The following LINGO1 variants were observed in gnomAD, a reference collection of about 807,000 sequenced individuals.
LINGO1 encodes the protein leucine rich repeat and Ig domain containing 1, also known as leucine-rich repeat and immunoglobulin-like domain-containing nogo receptor-interacting protein 1.
Under a neutral mutation model 37.3 loss-of-function variants are expected in LINGO1, and 11 were observed. That is an observed-to-expected ratio of 0.29 (90% confidence interval 0.19 to 0.49). The LOEUF (loss-of-function observed/expected upper bound fraction) is 0.49, where lower values mean the gene tolerates loss of function less well. LINGO1 is among the 20% of genes least tolerant of loss of function. The pLI is 0.99. For synonymous variants in LINGO1, 387 were observed against 403.0 expected (o/e 0.96, Z 0.48); for missense variants, 585 against 878.2 (o/e 0.67, Z 4.22).
chr15:77,808,072 C>A (rs2076974671), intron 1 of LINGO1, among the ~76,000 whole-genome samples: 1 of 152,016 alleles, frequency 6.6e-6, no homozygotes, highest in Non-Finnish European at 1.5e-5. Context: ...GGGAGAGAAG[C>A]CCCCAGCTGC....
At chr15:77,804,998 ACC>A (rs1210015960) in intron 1 of LINGO1, among the ~76,000 whole-genome samples, 1 of 152,008 alleles carries the variant, frequency 6.6e-6, no homozygotes, top group Non-Finnish European at 1.5e-5. Flanking sequence ...ACTGCTCCTG[ACC>A]CCTCCAGGGG....
At chr15:77,701,811 C>T (rs537744395) in intron 2 of LINGO1, among the ~76,000 whole-genome samples, 1 of 152,160 alleles carries the variant, frequency 6.6e-6, no homozygotes. Context: ...GATGCAGATG[C>T]CAGCACCATG....
At chr15:77,782,783 C>T (rs1370232202) in intron 1 of LINGO1, among the ~76,000 whole-genome samples, 2 of 152,082 alleles carry the variant, frequency 1.3e-5, no homozygotes, top group African/African-American at 4.8e-5. Context: ...CACCCACCTC[C>T]CCTCAAGGGT....
In LINGO1 at chr15:77,660,529, C is replaced by T. The variant is rs537672527; in HGVS notation, c.-13+16560G>A. On this transcript the variant is annotated intron_variant, in intron 3 of 3. Coordinates refer to the LINGO1 transcript ENST00000559893. ...GACATGGTTTGCAGCAACAGCTGGG[C>T]TCTATTCTCTGTACCAAGTGGGAGC... Among the ~76,000 whole-genome samples the T allele has an allele frequency of 2.0e-5, 3 of 152,320 alleles. No individual in the cohort carries two copies. In the East Asian group the frequency reaches 5.8e-4, roughly 29 times the overall value.
Position 77,615,084 on chromosome 15 carries a change from G to T in LINGO1, c.823C>A (p.Leu275Met). ...ACGGCCAGGTAGGGCACAGCGGTCAGATTGCAGTGTGTGATGGACAGGGAC... is the reference window on the plus strand; with the variant it reads ...ACGGCCAGGTAGGGCACAGCGGTCATATTGCAGTGTGTGATGGACAGGGAC... ...LTSLSITHCN[L>M]TAVPYLAVRH... The change falls in exon 2 of 2, where the codon CTG (leucine) becomes ATG (methionine). Residue 275 changes from leucine to methionine, a missense_variant. Transcript: ENST00000355300. 1.2e-6 allele frequency: 2 copies of T among 1,614,050 alleles called. No individual in the cohort carries two copies. Among genetic ancestry groups the T allele is most frequent in the African/African-American group, 2.7e-5 (2 of 75,054 alleles).
At chr15:77,664,170 T>TGTGTGTGTGCGCGCGCGC in intron 3 of LINGO1, among the ~76,000 whole-genome samples, 32 of 131,004 alleles carry the variant, frequency 2.4e-4, no homozygotes, top group Middle Eastern at 3.6e-3. Flanking sequence ...TGTGTGTGTG[T>TGTGTGTGTGCGCGCGCGC]GCGCGCGCGC....
chr15:77,633,027 G>A (rs2074313927), upstream of LINGO1, among the ~76,000 whole-genome samples: 1 of 151,472 alleles, frequency 6.6e-6, no homozygotes, highest in African/African-American at 2.4e-5. Flanking sequence ...TGGTGGTGGG[G>A]TGGGGGGTGG....
intron 2 of LINGO1, among the ~76,000 whole-genome samples, chr15:77,677,634 G>A (rs1371734044): frequency 6.6e-6 from 1 of 151,988 alleles, no homozygotes; most frequent in Non-Finnish European, 1.5e-5. Flanking sequence ...AAGATCCCCA[G>A]CAAGGTCCCC....
At chr15:77,814,206 C>A (rs548193595) in intron 1 of LINGO1, among the ~76,000 whole-genome samples, 1 of 152,160 alleles carries the variant, frequency 6.6e-6, no homozygotes, top group Admixed American at 6.5e-5. Context: ...GCCACTCCTC[C>A]CCCAGTCTCC....
At chr15:77,689,743 G>A (rs2075571568) in intron 2 of LINGO1, among the ~76,000 whole-genome samples, 1 of 152,100 alleles carries the variant, frequency 6.6e-6, no homozygotes, top group African/African-American at 2.4e-5. Flanking sequence ...CCTCAATACA[G>A]CTCGTGTACA....
chr15:77,632,413 T>C lies in LINGO1; in HGVS notation c.-98A>G, dbSNP rs2074285064. 1.6e-6 allele frequency: 2 copies of C among 1,227,398 alleles called. No homozygotes were observed. The highest frequency in any genetic ancestry group is 6.5e-5 in the East Asian group (2 of 30,732). 76.0% of individuals were successfully genotyped at this position (1,227,398 alleles called of 1,614,324 possible). The stretch of plus-strand genomic sequence containing the variant: ...AGCCCCTGCCCAGCCCCCTCCTCCG[T>C]TTCCTCCTCCTCCGACACCTCCGCC... On this transcript the variant is annotated 5_prime_UTR_variant, in exon 1 of 2. Coordinates refer to ENST00000355300, the MANE Select transcript of LINGO1 (RefSeq NM_032808.7). This position sits in a 1 kb window ranked among gnomAD's most constrained non-coding sequence, Gnocchi z 6.0.
intron 1 of LINGO1, among the ~76,000 whole-genome samples, chr15:77,737,249 C>T (rs1668203763): frequency 6.6e-6 from 1 of 152,184 alleles, no homozygotes; most frequent in Non-Finnish European, 1.5e-5. Flanking sequence ...TAGAACAGTT[C>T]CCATTTACTC....
intron 1 of LINGO1, among the ~76,000 whole-genome samples, chr15:77,810,750 T>C (rs1025962595): frequency 6.6e-6 from 1 of 151,808 alleles, no homozygotes; most frequent in Non-Finnish European, 1.5e-5. Context: ...CCTCAGGGAG[T>C]CCAAGCATCG....
intron 2 of LINGO1, among the ~76,000 whole-genome samples, chr15:77,679,600 A>T (rs1391345251): frequency 6.6e-6 from 1 of 152,238 alleles, no homozygotes; most frequent in Non-Finnish European, 1.5e-5. Context: ...GAAAACTGAC[A>T]TAGAGAGAGG....
intron 1 of LINGO1, among the ~76,000 whole-genome samples, chr15:77,784,293 TG>T (rs1172327759): frequency 6.6e-6 from 1 of 152,178 alleles, no homozygotes; most frequent in East Asian, 1.9e-4. Flanking sequence ...CAGAAGGCCA[TG>T]GGGCTCTAAG....
intron 1 of LINGO1, among the ~76,000 whole-genome samples, chr15:77,782,190 G>A (rs1471037889): frequency 6.7e-6 from 1 of 149,448 alleles, no homozygotes; most frequent in Admixed American, 6.8e-5. Context: ...GGCTCCACAC[G>A]ATGCTCAAGT....
chr15:77,690,129 C>T (rs2075578215), intron 2 of LINGO1, among the ~76,000 whole-genome samples: 1 of 152,168 alleles, frequency 6.6e-6, no homozygotes, highest in African/African-American at 2.4e-5. Flanking sequence ...TTTCTCCTGT[C>T]AGCAGGATCC....
intron 2 of LINGO1, among the ~76,000 whole-genome samples, chr15:77,793,029 A>T (rs888040711): frequency 6.6e-6 from 1 of 151,642 alleles, no homozygotes; most frequent in Non-Finnish European, 1.5e-5. Context: ...ACGACAAACC[A>T]CCTCCAGCCT....
At chr15:77,785,423 G>A (rs1273230523) in intron 1 of LINGO1, among the ~76,000 whole-genome samples, 1 of 152,124 alleles carries the variant, frequency 6.6e-6, no homozygotes, top group Non-Finnish European at 1.5e-5. Flanking sequence ...CCTGGAGCGT[G>A]GGCAGTCCTG....
Sources: gnomAD v4.1 joint callset for allele counts (sites outside exome capture counted in the v4.1 genomes callset) on GRCh38, gnomAD v4.1.1 for gene constraint, Gnocchi (gnomAD v3.1) non-coding constraint, MANE v1.5 for transcripts, NCBI Gene and HGNC (gene_info 2026-07-23, HGNC 2026-07-21) for gene names.